TMEM131: variants seen among roughly 807,000 people sequenced by gnomAD.
TMEM131 encodes the protein 2610524E03Rik.
A neutral mutation model predicts 211.6 loss-of-function variants in TMEM131; 66 were observed. The observed-to-expected ratio is 0.31, with a 90% CI of 0.26 to 0.38. TMEM131 has a LOEUF of 0.38. Ranked by LOEUF, TMEM131 falls within the 10% of genes least tolerant of loss-of-function variation. The probability of loss-of-function intolerance (pLI) is 1.00; values close to 1 mark genes in which losing one functional copy is unlikely to be tolerated. For synonymous variants in TMEM131, 844 were observed against 841.3 expected, an observed-to-expected ratio of 1.00 and a Z score of -0.06; for missense variants, 2,036 against 2,299.3, an observed-to-expected ratio of 0.89 and a Z score of 2.34.
intron 5 of TMEM131, among the ~76,000 whole-genome samples, chr2:97,858,156 T>C (rs1673923109): frequency 6.6e-6 from 1 of 152,178 alleles, no homozygotes. Flanking sequence ...GATATAAAAA[T>C]GTAGCAACCA....
At chr2:97,813,856 C>T in intron 15 of TMEM131, 115 bp downstream of exon 15, 2 of 827,968 alleles carry the variant, frequency 2.4e-6, no homozygotes, top group South Asian at 4.6e-5. Context: ...AGAATTAGAT[C>T]AATTTGCAGA....
intron 7 of TMEM131, among the ~76,000 whole-genome samples, chr2:97,838,850 A>G (rs1234187335): frequency 6.6e-6 from 1 of 152,164 alleles, no homozygotes; most frequent in Non-Finnish European, 1.5e-5. Flanking sequence ...TTTTCTTTGT[A>G]TATTATTACT....
At chr2:97,854,983 A>G (rs964214141) in intron 5 of TMEM131, among the ~76,000 whole-genome samples, 1 of 152,062 alleles carries the variant, frequency 6.6e-6, no homozygotes, top group Non-Finnish European at 1.5e-5. Context: ...AACATCTTCT[A>G]AGATCTTATA....
At chr2:97,969,505 T>C (rs182793990) in intron 1 of TMEM131, among the ~76,000 whole-genome samples, 57 of 152,326 alleles carry the variant, frequency 3.7e-4, no homozygotes, top group Non-Finnish European at 4.4e-5. Flanking sequence ...TATTTCCTTT[T>C]CAGATGCTAA....
At position 97,865,094 on chromosome 2, in the gene TMEM131, G is replaced by A. The variant is rs531595259; in HGVS notation, c.360-5667C>T. ...AGTTTTTATGTGTATGTATGGAACT[G>A]GGGCTCTCCATTTTGGGGATTATCT... is the stretch of plus-strand genomic sequence containing the variant. On this transcript the variant is annotated intron_variant, in intron 4 of 40. Coordinates refer to ENST00000186436, the MANE Select transcript of TMEM131 (RefSeq NM_015348.2). 1.2e-4 allele frequency among the ~76,000 whole-genome samples: 19 copies of A among 152,360 alleles called. 1 individual carries two copies. In the South Asian group the frequency reaches 2.9e-3, roughly 23 times the overall value.
chr2:97,929,781 C>T (rs1573572232), intron 1 of TMEM131, among the ~76,000 whole-genome samples: 2 of 151,788 alleles, frequency 1.3e-5, no homozygotes, highest in Non-Finnish European at 1.5e-5. Flanking sequence ...TGATGTCCCA[C>T]CTTTTTGCTC....
At chr2:97,936,874 T>G (rs892059306) in intron 1 of TMEM131, among the ~76,000 whole-genome samples, 6 of 152,148 alleles carry the variant, frequency 3.9e-5, no homozygotes, top group South Asian at 2.1e-4. Context: ...TCAGCTATAT[T>G]AAATATATTC....
intron 31 of TMEM131, among the ~76,000 whole-genome samples, chr2:97,789,095 A>T (rs2104871054): frequency 6.6e-6 from 1 of 152,364 alleles, no homozygotes; most frequent in East Asian, 1.9e-4. Context: ...ACTTGGTCTC[A>T]GTCAGAGGTG....
intron 1 of TMEM131, among the ~76,000 whole-genome samples, chr2:97,981,954 T>C (rs1043521097): frequency 5.3e-5 from 8 of 152,236 alleles, no homozygotes; most frequent in Non-Finnish European, 1.0e-4. Context: ...TTCAGTTGTT[T>C]CCACTTTTTG....
At position 97,869,176 on chromosome 2, in the gene TMEM131, T is replaced by C. The variant is rs575844566; in HGVS notation, c.360-9749A>G. Among the ~76,000 whole-genome samples, 4 of 152,360 alleles carry C rather than the reference T, an allele frequency of 2.6e-5. No individual in the cohort carries two copies. The East Asian group carries it at 5.8e-4, about 22-fold the overall frequency. Reference sequence around the variant, plus strand: ...AACCATTCATGCACATCCCTGTGAATTCCTTCTCAATGTTTTTCCTTGTGT... The same window carrying C: ...AACCATTCATGCACATCCCTGTGAACTCCTTCTCAATGTTTTTCCTTGTGT... On this transcript the variant is annotated intron_variant, in intron 4 of 40. Coordinates refer to ENST00000186436, the MANE Select transcript of TMEM131 (RefSeq NM_015348.2).
intron 25 of TMEM131, among the ~76,000 whole-genome samples, chr2:97,798,985 T>C (rs141161203): frequency 2.6e-5 from 4 of 152,342 alleles, no homozygotes; most frequent in African/African-American, 9.6e-5. Context: ...ATGCCTCCCG[T>C]ATACCATTCA....
chr2:97,993,112 T>C (rs1262958890), intron 1 of TMEM131, among the ~76,000 whole-genome samples: 1 of 152,228 alleles, frequency 6.6e-6, no homozygotes, highest in African/African-American at 2.4e-5. Flanking sequence ...CAATGAGTTT[T>C]ATTGTCTTTT....
At chr2:97,805,018 T>C in intron 22 of TMEM131, 70 bp downstream of exon 22, 2 of 1,054,734 alleles carry the variant, frequency 1.9e-6, no homozygotes, top group Non-Finnish European at 2.7e-6. Context: ...AAGAATATAA[T>C]TTAGAAAGCA....
intron 7 of TMEM131, among the ~76,000 whole-genome samples, chr2:97,841,271 G>A (rs529882294): frequency 6.6e-6 from 1 of 152,356 alleles, no homozygotes; most frequent in East Asian, 1.9e-4. Flanking sequence ...CAAGGAGCTA[G>A]TGAGGAGGAA....
chr2:97,875,686 T>G (rs1205291618), intron 4 of TMEM131, among the ~76,000 whole-genome samples: 2 of 152,064 alleles, frequency 1.3e-5, no homozygotes, highest in Non-Finnish European at 2.9e-5. Flanking sequence ...GAAGACACAA[T>G]GTACCAGAAT....
intron 38 of TMEM131, 70 bp from the exon 39 acceptor site, chr2:97,759,819 C>T (rs1573311194): frequency 1.9e-6 from 2 of 1,069,440 alleles, no homozygotes; most frequent in South Asian, 1.3e-5. Context: ...ATCCATAGTG[C>T]ACAGCTTCAC....
In TMEM131 at chr2:97,796,155, A is replaced by G. The variant is rs1292232693; in HGVS notation, c.3200+63T>C. ...AAAGACCTTTGGTAAATATGAAAAC[A>G]TATCTTTGCACAGAGTTTGAGGAAA... is the stretch of plus-strand genomic sequence containing the variant. On this transcript the variant is annotated intron_variant, in intron 28 of 40. Transcript: ENST00000186436. 1.2e-5 allele frequency: 12 copies of G among 990,052 alleles called. No individual in the cohort carries two copies. In the African/African-American group the frequency reaches 1.4e-4, roughly 11 times the overall value. 61.3% of individuals were successfully genotyped at this position (990,052 alleles called of 1,614,324 possible).
rs550430303 is a variant in TMEM131 at position 97,825,966 on chromosome 2, C to T, written c.1075-7245G>A. Among the ~76,000 whole-genome samples, 28 of 152,210 alleles carry T rather than the reference C, an allele frequency of 1.8e-4. 1 individual carries two copies. Among genetic ancestry groups the T allele is most frequent in the Non-Finnish European group, 2.8e-4 (19 of 68,030 alleles). On this transcript the variant is annotated intron_variant, in intron 11 of 40. Transcript: ENST00000186436. ...TAGCAGATGCTACTCCTTGAGCAACCGGTGCTTCAAATATGTACATGTGTG... is the reference window on the plus strand; with the variant it reads ...TAGCAGATGCTACTCCTTGAGCAACTGGTGCTTCAAATATGTACATGTGTG...
At chr2:97,764,386 G>C (rs1439522438) in intron 35 of TMEM131, 5 of 152,520 alleles carry the variant, frequency 3.3e-5, no homozygotes, top group Middle Eastern at 3.4e-3. Context: ...GACTCTTCTG[G>C]GTTTCCTCCA....
Sources: gnomAD v4.1 joint callset for allele counts (sites outside exome capture counted in the v4.1 genomes callset) on GRCh38, gnomAD v4.1.1 for gene constraint, MANE v1.5 for transcripts, NCBI Gene and HGNC (gene_info 2026-07-23, HGNC 2026-07-21) for gene names.